MGAM: variants seen among roughly 807,000 people sequenced by gnomAD.
The protein encoded by MGAM is maltase-glucoamylase, also known as alpha-1,4-glucosidase.
MGAM carries 253 observed loss-of-function variants against 358.8 expected under a neutral mutation model. That is an observed-to-expected ratio of 0.71 (90% CI 0.64 to 0.78). MGAM has a LOEUF of 0.78. MGAM is among the 30% of genes least tolerant of loss of function. The pLI, the probability that MGAM is intolerant of heterozygous loss-of-function variation, is 0.00. For synonymous variants in MGAM, 1,105 were observed against 1,227.1 expected, an observed-to-expected ratio of 0.90 and a Z score of 2.08; for missense variants, 3,080 against 3,432.6, an observed-to-expected ratio of 0.90 and a Z score of 2.57.
At chr7:142,087,874 T>G (rs1298773271) in intron 57 of MGAM, among the ~76,000 whole-genome samples, 1 of 146,558 alleles carries the variant, frequency 6.8e-6, no homozygotes, top group East Asian at 2.0e-4. Context: ...AGACCTCTTT[T>G]GGGAGTTCTT....
At chr7:142,022,832 G>C (rs1410663132) in intron 7 of MGAM, among the ~76,000 whole-genome samples, 1 of 152,030 alleles carries the variant, frequency 6.6e-6, no homozygotes, top group African/African-American at 2.4e-5. Flanking sequence ...CATATTTTTA[G>C]GTTCACCTTT....
rs1314505018 is a variant in MGAM, at chr7:142,019,264, C to A, written c.393C>A (p.Tyr131Ter). 6.2e-7 allele frequency: 1 copy of A among 1,613,586 alleles called. No homozygotes were observed. The highest frequency in any genetic ancestry group is 8.5e-7 in the Non-Finnish European group (1 of 1,179,612). Residue 131 changes from tyrosine (Y) to a stop codon, truncating the protein, a stop_gained, in exon 4 of 71, where the codon TAC (tyrosine) becomes TAA (stop). Transcript: ENST00000475668. LOFTEE classifies it high-confidence loss of function. Reference protein sequence around the residue: ...PQGAVSVPWCYYSKNHSYHVE... With the variant: ...PQGAVSVPWC ...GAGCTGTAAGTGTTCCCTGGTGCTA[C>A]TATTCCAAGAATCATAGCTACCATG...
At position 142,032,929 on chromosome 7, in the gene MGAM, A is replaced by G. The variant is rs782635443; in HGVS notation, c.1669+20A>G. 1 of 1,486,944 alleles carries G rather than the reference A, an allele frequency of 6.7e-7. No individual in the cohort carries two copies. Among genetic ancestry groups the G allele is most frequent in the African/African-American group, 1.4e-5 (1 of 71,386 alleles). 92.1% of individuals were successfully genotyped at this position (1,486,944 alleles called of 1,614,324 possible). On this transcript the variant is annotated intron_variant, in intron 14 of 70. Transcript: ENST00000475668. ...CTCCCAGTAAGTCTTGGTGGTCAGC[A>G]GATTAAAGTAGCCATATGTATTTCA...
intron 1 of MGAM, among the ~76,000 whole-genome samples, chr7:141,998,601 A>G (rs782755823): frequency 6.6e-6 from 1 of 152,008 alleles, no homozygotes. Flanking sequence ...CTTTTTTATG[A>G]CTGCATAGTA....
At chr7:142,040,503 C>A (rs1808413567) in intron 20 of MGAM, 1 of 610,186 alleles carries the variant, frequency 1.6e-6, no homozygotes, top group South Asian at 2.2e-5. Flanking sequence ...TATAATATAT[C>A]AAATAGCCTC....
In MGAM at chr7:142,005,545, G is replaced by C; in HGVS notation, c.15G>C (p.Lys5Asn). 6.4e-7 allele frequency: 1 copy of C among 1,553,088 alleles called. No individual in the cohort carries two copies. The highest frequency in any genetic ancestry group is 8.7e-7 in the Non-Finnish European group (1 of 1,152,010). Residue 5 changes from lysine to asparagine, a missense_variant, in exon 2 of 71, where the codon AAG becomes AAC. By Grantham distance (94) the Lys-to-Asn change is moderately conservative. Transcript: ENST00000475668. ...ACATTTTAGAGATGGCAAGAAAGAA[G>C]CTGAAAAAATTTACTACTTTGGAGA... MARKKLKKFTTLEIV... is the reference protein window; with the variant it reads MARKNLKKFTTLEIV...
intron 40 of MGAM, 136 bp downstream of exon 40, chr7:142,065,967 T>G: frequency 2.7e-6 from 2 of 748,968 alleles, no homozygotes; most frequent in Non-Finnish European, 3.9e-6. Context: ...TGTTTTGTTT[T>G]GTTTTTTTTT....
intron 44 of MGAM, among the ~76,000 whole-genome samples, chr7:142,073,310 G>C (rs1272754269): frequency 2.1e-5 from 3 of 146,046 alleles, no homozygotes; most frequent in Non-Finnish European, 4.6e-5. Flanking sequence ...GTTGATAATG[G>C]AAACTAACTC....
chr7:142,060,405 C>T, intron 34 of MGAM, 32 bp downstream of exon 34: 2 of 1,609,798 alleles, frequency 1.2e-6, no homozygotes, highest in Non-Finnish European at 1.7e-6. Flanking sequence ...TGGGTGGAGT[C>T]AGGGTTTGTA....
In MGAM at chr7:142,045,072, G is replaced by A. The variant is rs1393538682; in HGVS notation, c.2499-2713G>A. ...TATATAATATGTATATTATATATAC[G>A]TGTAATATATGATATATAATATGTA... On this transcript the variant is annotated intron_variant, in intron 21 of 70. Transcript: ENST00000475668. Among the ~76,000 whole-genome samples, 10 of 61,740 alleles carry A rather than the reference G, an allele frequency of 1.6e-4. 3 individuals are homozygous for A. Among genetic ancestry groups the A allele is most frequent in the African/African-American group, 4.1e-4 (8 of 19,472 alleles). The allele number at this position is 61,740 out of a possible 152,430, so 40.5% of individuals were successfully genotyped here. A position where few individuals can be genotyped will look rare whatever the true frequency, so the allele number is the denominator to read the frequency against.
Position 142,040,705 on chromosome 7 carries a change from T to G in MGAM, c.2374-17T>G, listed in dbSNP as rs1341708960. 6.2e-7 allele frequency: 1 copy of G among 1,612,062 alleles called. No homozygotes were observed. The highest frequency in any genetic ancestry group is 1.7e-5 in the Admixed American group (1 of 59,730). ...ATGCTGTCATGCCAATGTGTTTGATTTATCTGCATGCATCAGGGGAGCCAA... is the reference window on the plus strand; with the variant it reads ...ATGCTGTCATGCCAATGTGTTTGATGTATCTGCATGCATCAGGGGAGCCAA... On this transcript the variant is annotated splice_polypyrimidine_tract_variant and intron_variant, in intron 20 of 70. Transcript: ENST00000475668.
At position 142,052,340 on chromosome 7, in the gene MGAM, C is replaced by G. The variant is rs776066701; in HGVS notation, c.2852C>G (p.Thr951Arg). 38 of 1,609,604 alleles carry G rather than the reference C, an allele frequency of 2.4e-5. No homozygotes were observed. Among genetic ancestry groups the G allele is most frequent in the Non-Finnish European group, 3.1e-5 (37 of 1,177,820 alleles). ...GATCTTCTCCTGGGAGAAGCATACA[C>G]AGTGGAATGGAGCATAAAGATAAGG... ...DIDLLLGEAY[T>R]VEWSIKIRDE... is the part of the protein sequence containing the mutation. Residue 951 changes from threonine to arginine, a missense_variant, in exon 25 of 71, where the codon ACA (threonine) becomes AGA (arginine). By Grantham distance (71) the Thr-to-Arg change is moderately conservative (BLOSUM62 -1). Around this residue, in one of 5 missense-constraint regions of MGAM, gnomAD observed 1,816 missense variants for 1,840.5 expected, o/e 0.99. Coordinates refer to ENST00000475668, the MANE Select transcript of MGAM (RefSeq NM_001365693.1).
intron 1 of MGAM, among the ~76,000 whole-genome samples, chr7:142,002,791 T>C (rs1450584614): frequency 6.6e-6 from 1 of 152,018 alleles, no homozygotes; most frequent in Non-Finnish European, 1.5e-5. Context: ...GAAGTCAAAT[T>C]ACCTCTGTTC....
chr7:142,022,779 A>G (rs1806587683), intron 7 of MGAM, among the ~76,000 whole-genome samples: 1 of 152,218 alleles, frequency 6.6e-6, no homozygotes, highest in South Asian at 2.1e-4. Context: ...TGGAGAAGAT[A>G]TTATTAATAT....
At chr7:141,993,964 C>T (rs1164001683), upstream of MGAM, among the ~76,000 whole-genome samples, 3 of 152,182 alleles carry the variant, frequency 2.0e-5, no homozygotes, top group African/African-American at 7.2e-5. Flanking sequence ...CAACCTCCGC[C>T]TCCTGGGTTC....
rs1451229676 is a variant in MGAM at position 142,045,538 on chromosome 7, ATT to A, written c.2499-2246_2499-2245del. On this transcript the variant is annotated intron_variant, in intron 21 of 70. Transcript: ENST00000475668. The stretch of plus-strand genomic sequence containing the variant: ...ACATATAATATATGATATAATATAT[ATT>A]ATATATACATACAATATATGAATAT... 1.1e-3 allele frequency among the ~76,000 whole-genome samples: 109 copies of A among 95,730 alleles called. 9 individuals are homozygous for A. Among genetic ancestry groups the A allele is most frequent in the African/African-American group, 4.3e-3 (100 of 23,078 alleles). 62.8% of individuals were successfully genotyped at this position (95,730 alleles called of 152,430 possible).
At chr7:142,021,183 G>A (rs1482750103) in intron 5 of MGAM, 100 bp downstream of exon 5, 5 of 789,350 alleles carry the variant, frequency 6.3e-6, no homozygotes, top group South Asian at 1.8e-5. Flanking sequence ...GCTACTGGAT[G>A]TATTTTTCTA....
In MGAM at chr7:142,071,877, T is replaced by G. The variant is rs7785722; in HGVS notation, c.5186+759T>G. 2.7e-5 allele frequency among the ~76,000 whole-genome samples: 4 copies of G among 146,468 alleles called. 1 individual carries two copies. In the South Asian group the frequency reaches 8.7e-4, roughly 32 times the overall value. On this transcript the variant is annotated intron_variant, in intron 44 of 70. Transcript: ENST00000475668. ...AGATTCCATCTGTACTAAAGAGGTG[T>G]GCATTTATATCTTCATGCCTTTGAG... is the stretch of plus-strand genomic sequence containing the variant.
chr7:141,987,118 A>T (rs1451265122), intron 2 of MGAM, among the ~76,000 whole-genome samples: 1 of 152,148 alleles, frequency 6.6e-6, no homozygotes, highest in Admixed American at 6.5e-5. Flanking sequence ...CAGAAACAGA[A>T]ACTGGAAGTT....
Sources: gnomAD v4.1 joint callset for allele counts (sites outside exome capture counted in the v4.1 genomes callset) on GRCh38, gnomAD v4.1.1 for gene constraint, gnomAD v4.1.1 regional missense constraint, MANE v1.5 for transcripts, NCBI Gene and HGNC (gene_info 2026-07-23, HGNC 2026-07-21) for gene names.